Variants in OLFML3 observed in about 807,000 individuals in gnomAD.
The protein encoded by OLFML3 is olfactomedin like 3, also known as olfactomedin-like protein 3.
In OLFML3, 26 loss-of-function variants were observed where a neutral mutation model predicts 36.0. The ratio of observed to expected loss-of-function variants is 0.72; its 90% CI spans 0.53 to 1.00. The LOEUF is 1.00. Ranked by LOEUF, OLFML3 falls within the 50% of genes least tolerant of loss-of-function variation. OLFML3 has a pLI of 0.00. For synonymous variants in OLFML3, 184 were observed against 201.2 expected (o/e 0.91, Z 0.72); for missense variants, 503 against 519.4 (o/e 0.97, Z 0.31).
intron 1 of OLFML3, 116 bp downstream of exon 1, chr1:113,979,746 A>G: frequency 1.1e-6 from 1 of 871,190 alleles, no homozygotes; most frequent in Non-Finnish European, 1.8e-6. Flanking sequence ...GTCTACAGAA[A>G]ATTCTCTCTT....
chr1:113,981,250 G>A lies in OLFML3; in HGVS notation c.702G>A (p.Glu234=), dbSNP rs142935158. The A allele has an allele frequency of 6.2e-4, 997 of 1,613,210 alleles. 1 individual carries two copies. The highest frequency in any genetic ancestry group is 8.1e-4 in the Non-Finnish European group (950 of 1,179,604). ...RPPGRPGGGG[E]MENTLQLIKF... ...CTGGAAGACCTGGTGGAGGTGGTGAGATGGAGAACACTTTGCAGCTAATCA... is the reference window on the plus strand; with the variant it reads ...CTGGAAGACCTGGTGGAGGTGGTGAAATGGAGAACACTTTGCAGCTAATCA... Residue 234 remains glutamate (E), a synonymous_variant, in exon 3 of 3, where the codon GAG becomes GAA. Transcript: ENST00000320334.
In OLFML3 at chr1:113,982,039, C is replaced by T. The variant is rs7364; in HGVS notation, c.*270C>T. The T allele has an allele frequency of 2.2e-6, 1 of 454,456 alleles. No individual in the cohort carries two copies. The allele number at this position is 454,456 out of a possible 1,614,324, so 28.2% of individuals were successfully genotyped here. ...GTCAACAAATTTCAGGCTAAGGATG[C>T]CCCAGACCCAGGGCTCTAACCTTGT... On this transcript the variant is annotated 3_prime_UTR_variant, in exon 3 of 3. Coordinates refer to ENST00000320334, the MANE Select transcript of OLFML3 (RefSeq NM_020190.5).
chr1:113,980,768 TAAG>T, intron 2 of OLFML3, 151 bp downstream of exon 2: 1 of 1,048,324 alleles, frequency 9.5e-7, no homozygotes, highest in Non-Finnish European at 1.4e-6. Flanking sequence ...CCAGGTCTAT[TAAG>T]GAGAGGTTCT....
Position 113,981,075 on chromosome 1 carries a change from A to G in OLFML3, c.527A>G (p.Gln176Arg). ...TEKIYVLDGT[Q>R]NDTAFVFPRL... is the part of the protein sequence containing the mutation. ...AAGATCTACGTGTTAGATGGGACACAGAATGACACAGCCTTTGTCTTCCCA... is the reference window on the plus strand; with the variant it reads ...AAGATCTACGTGTTAGATGGGACACGGAATGACACAGCCTTTGTCTTCCCA... Residue 176 changes from glutamine (Q) to arginine (R), a missense_variant, in exon 3 of 3, where the codon CAG becomes CGG. Transcript: ENST00000320334. 6.2e-7 allele frequency: 1 copy of G among 1,611,686 alleles called. No homozygotes were observed. The highest frequency in any genetic ancestry group is 8.5e-7 in the Non-Finnish European group (1 of 1,178,416).
rs763573358 is a variant in OLFML3 at position 113,980,961 on chromosome 1, C to CAA, written c.414_415dup (p.Ile139LysfsTer5). 6.6e-7 allele frequency: 1 copy of CAA among 1,519,756 alleles called. No homozygotes were observed. 94.1% of individuals were successfully genotyped at this position (1,519,756 alleles called of 1,614,324 possible). On this transcript the variant is annotated frameshift_variant, in exon 3 of 3. Coordinates refer to ENST00000320334, the MANE Select transcript of OLFML3 (RefSeq NM_020190.5). LOFTEE classifies it high-confidence loss of function. ...CTTTTCTCATCAGACTGTGGCTACA[C>CAA]AATCTCTCAAGTGAGATCAATGAAG...
Position 113,981,541 on chromosome 1 carries a change from C to T in OLFML3, c.993C>T (p.Leu331=), listed in dbSNP as rs781449650. 1.9e-6 allele frequency: 3 copies of T among 1,614,168 alleles called. No homozygotes were observed. The highest frequency in any genetic ancestry group is 2.2e-5 in the South Asian group (2 of 91,066). Residue 331 remains leucine (L), a synonymous_variant, in exon 3 of 3, where the codon CTC becomes CTT. Coordinates refer to ENST00000320334, the MANE Select transcript of OLFML3 (RefSeq NM_020190.5). The part of the protein sequence containing the change: ...AEAAFVICGT[L]YVVYNTRPAS... ...CTGCCTTTGTCATCTGTGGGACCCT[C>T]TATGTCGTCTATAACACCCGTCCTG...
chr1:113,979,534 TCTC>T lies in OLFML3; in HGVS notation c.22_24del (p.Leu8del). The T allele has an allele frequency of 6.2e-7, 1 of 1,613,894 alleles. No individual in the cohort carries two copies. Among genetic ancestry groups the T allele is most frequent in the South Asian group, 1.1e-5 (1 of 91,068 alleles). On this transcript the variant is annotated inframe_deletion, in exon 1 of 3. Coordinates refer to ENST00000320334, the MANE Select transcript of OLFML3 (RefSeq NM_020190.5). ...AGGCTGCCATGGGGCCCAGCACCCC[TCTC>T]CTCATCTTGTTCCTTTTGTCATGGT... is the stretch of plus-strand genomic sequence containing the variant.
rs370378806 is a variant in OLFML3, at chr1:113,981,568, C to A, written c.1020C>A (p.Ala340=). 1 of 1,614,142 alleles carries A rather than the reference C, an allele frequency of 6.2e-7. No individual in the cohort carries two copies. The highest frequency in any genetic ancestry group is 8.5e-7 in the Non-Finnish European group (1 of 1,180,032). The stretch of plus-strand genomic sequence containing the variant: ...ATGTCGTCTATAACACCCGTCCTGC[C>A]AGTCGGGCCCGCATCCAGTGCTCCT... ...TLYVVYNTRP[A]SRARIQCSFD... The change falls in exon 3 of 3, where the codon GCC becomes GCA. Residue 340 remains alanine (A), a synonymous_variant. Transcript: ENST00000320334.
Position 113,979,998 on chromosome 1 carries a change from G to T in OLFML3, c.115-334G>T. 6 of 1,475,810 alleles carry T rather than the reference G, an allele frequency of 4.1e-6. 2 individuals are homozygous for T. In the South Asian group the frequency reaches 8.3e-5, roughly 20 times the overall value. 91.4% of individuals were successfully genotyped at this position (1,475,810 alleles called of 1,614,324 possible). A position where few individuals can be genotyped will look rare whatever the true frequency, so the allele number is the denominator to read the frequency against. On this transcript the variant is annotated intron_variant, in intron 1 of 2. Transcript: ENST00000320334. ...AGGTTGAGATCCGTAGCATTTTAGT[G>T]TCCGAGAGGATAATTGCTAAGGGAG...
In OLFML3 at chr1:113,980,605, G is replaced by T; in HGVS notation, c.388G>T (p.Asp130Tyr). ...CAAGGGAAGAAGGAATGAGAAGTAC[G>T]ATATGGTGACAGGTAAATAATCTGA... ...KGKGRRNEKY[D>Y]MVTDCGYTIS... The change falls in exon 2 of 3, where the codon GAT becomes TAT. Residue 130 changes from aspartate (D) to tyrosine (Y), a missense_variant. Coordinates refer to ENST00000320334, the MANE Select transcript of OLFML3 (RefSeq NM_020190.5). 1.3e-6 allele frequency: 2 copies of T among 1,594,358 alleles called. No individual in the cohort carries two copies. Among genetic ancestry groups the T allele is most frequent in the East Asian group, 2.2e-5 (1 of 44,658 alleles).
rs759118151 is a variant in OLFML3 at position 113,981,499 on chromosome 1, C to A, written c.951C>A (p.Pro317=). 5.6e-6 allele frequency: 9 copies of A among 1,614,096 alleles called. No homozygotes were observed. Among genetic ancestry groups the A allele is most frequent in the Non-Finnish European group, 1.7e-6 (2 of 1,180,006 alleles). Residue 317 remains proline, a synonymous_variant, in exon 3 of 3, where the codon CCC becomes CCA. Coordinates refer to ENST00000320334, the MANE Select transcript of OLFML3 (RefSeq NM_020190.5). ...AGCAGCAGTGGGACACACCATGTCCCAGAGAGAATGCTGAGGCTGCCTTTG... is the reference window on the plus strand; with the variant it reads ...AGCAGCAGTGGGACACACCATGTCCAAGAGAGAATGCTGAGGCTGCCTTTG... ...DTEQQWDTPC[P]RENAEAAFVI... is the part of the protein sequence containing the mutation.
intron 1 of OLFML3, 54 bp from the exon 2 acceptor site, chr1:113,980,278 C>T: frequency 6.6e-7 from 1 of 1,523,638 alleles, no homozygotes. Context: ...TGGGCCTCTC[C>T]CTGCCTGGGA....
intron 1 of OLFML3, 84 bp downstream of exon 1, chr1:113,979,714 A>G: frequency 9.5e-7 from 1 of 1,051,868 alleles, no homozygotes; most frequent in Admixed American, 2.0e-5. Context: ...ATCTGGGGAT[A>G]ACAAGAAAGG....
Position 113,981,456 on chromosome 1 carries a change from C to T in OLFML3, c.908C>T (p.Pro303Leu). ...DRHLCLAKLD[P>L]QTLDTEQQWD... ...CACTTGTGTCTGGCCAAGTTAGATC[C>T]ACAGACACTGGACACAGAGCAGCAG... The change falls in exon 3 of 3, where the codon CCA becomes CTA. Residue 303 changes from proline to leucine, a missense_variant. Transcript: ENST00000320334. 1 of 1,613,652 alleles carries T rather than the reference C, an allele frequency of 6.2e-7. No homozygotes were observed. The highest frequency in any genetic ancestry group is 8.5e-7 in the Non-Finnish European group (1 of 1,179,802).
intron 2 of OLFML3, 58 bp downstream of exon 2, chr1:113,980,675 T>A: frequency 6.7e-7 from 1 of 1,487,106 alleles, no homozygotes; most frequent in Non-Finnish European, 9.0e-7. Flanking sequence ...CTTCCTTCCT[T>A]GCTTCTTACT....
At chr1:113,980,878 C>G in intron 2 of OLFML3, 71 bp from the exon 3 acceptor site, 1 of 1,322,836 alleles carries the variant, frequency 7.6e-7, no homozygotes, top group Non-Finnish European at 1.0e-6. Context: ...AGATCACCCA[C>G]CCTGGGGGAG....
rs1367072352 is a variant in OLFML3 at position 113,981,462 on chromosome 1, C to T, written c.914C>T (p.Thr305Ile). ...HLCLAKLDPQ[T>I]LDTEQQWDTP... is the part of the protein sequence containing the mutation. The stretch of plus-strand genomic sequence containing the variant: ...TGTCTGGCCAAGTTAGATCCACAGA[C>T]ACTGGACACAGAGCAGCAGTGGGAC... The change falls in exon 3 of 3, where the codon ACA becomes ATA. Residue 305 changes from threonine (T) to isoleucine (I), a missense_variant. By Grantham distance (89) the Thr-to-Ile change is moderately conservative. Coordinates refer to ENST00000320334, the MANE Select transcript of OLFML3 (RefSeq NM_020190.5). The T allele has an allele frequency of 6.2e-7, 1 of 1,613,624 alleles. No individual in the cohort carries two copies. The highest frequency in any genetic ancestry group is 8.5e-7 in the Non-Finnish European group (1 of 1,179,852).
chr1:113,980,900 G>A, intron 2 of OLFML3, 49 bp from the exon 3 acceptor site: 1 of 1,443,502 alleles, frequency 6.9e-7, no homozygotes, highest in Non-Finnish European at 9.3e-7. Flanking sequence ...TCCTGCTGGA[G>A]GCATCTAATT....
rs1673320991 is a variant in OLFML3, at chr1:113,979,507, C to T, written c.-10C>T. 6.3e-7 allele frequency: 1 copy of T among 1,591,678 alleles called. No homozygotes were observed. On this transcript the variant is annotated 5_prime_UTR_variant, in exon 1 of 3. Transcript: ENST00000320334. ...GTTCCTTCTACTCTGGCACCACTCTCCAGGCTGCCATGGGGCCCAGCACCC... is the reference window on the plus strand; with the variant it reads ...GTTCCTTCTACTCTGGCACCACTCTTCAGGCTGCCATGGGGCCCAGCACCC...
Sources: gnomAD v4.1 joint callset for allele counts on GRCh38, gnomAD v4.1.1 for gene constraint, MANE v1.5 for transcripts, NCBI Gene and HGNC (gene_info 2026-07-23, HGNC 2026-07-21) for gene names.